Variants in SGCD observed in about 807,000 individuals in gnomAD.
SGCD encodes delta-sarcoglycan.
In SGCD, 18 loss-of-function variants were observed where a neutral mutation model predicts 36.6. That is an observed-to-expected ratio of 0.49 (90% CI 0.34 to 0.73). The LOEUF (loss-of-function observed/expected upper bound fraction) is 0.73, where lower values mean the gene tolerates loss of function less well. Among genes scored for constraint, SGCD ranks in the 30% least tolerant of loss-of-function variants. The pLI, the probability that SGCD is intolerant of heterozygous loss-of-function variation, is 0.01. For missense variants in SGCD, 387 were observed against 346.7 expected, an observed-to-expected ratio of 1.12 and a Z score of -0.92; for synonymous variants, 133 against 130.6, an observed-to-expected ratio of 1.02 and a Z score of -0.12.
chr5:156,554,354 C>CAA (rs58256540), intron 4 of SGCD, among the ~76,000 whole-genome samples: 45 of 88,908 alleles, frequency 5.1e-4, no homozygotes, highest in African/African-American at 1.6e-3. Context: ...GAGTCTGTCT[C>CAA]AAAAAAAAAA....
chr5:155,850,426 G>A, the SGCD span, among the ~76,000 whole-genome samples: 1 of 152,134 alleles, frequency 6.6e-6, no homozygotes, highest in Non-Finnish European at 1.5e-5. Flanking sequence ...GACAGAGAGA[G>A]AGAGAGAGAG....
In SGCD at chr5:156,572,162, TA is replaced by T. The variant is rs372420843; in HGVS notation, c.295-17068del. The stretch of plus-strand genomic sequence containing the variant: ...TCATTAATCTATTATTGGGCATTTG[TA>T]TTGTTTCCGCCCTTTGATTATTATG... On this transcript the variant is annotated intron_variant, in intron 4 of 8. Transcript: ENST00000337851. Among the ~76,000 whole-genome samples the T allele has an allele frequency of 1.8e-3, 275 of 152,356 alleles. 2 individuals are homozygous for T. Among genetic ancestry groups the T allele is most frequent in the African/African-American group, 6.1e-3 (253 of 41,582 alleles).
chr5:156,141,220 C>A (rs1762571015), intron 3 of SGCD, among the ~76,000 whole-genome samples: 1 of 152,208 alleles, frequency 6.6e-6, no homozygotes. Context: ...AGAGAATTGC[C>A]ACAGGGGCGG....
At chr5:156,583,414 C>G (rs1463122076) in intron 4 of SGCD, among the ~76,000 whole-genome samples, 1 of 152,150 alleles carries the variant, frequency 6.6e-6, no homozygotes, top group African/African-American at 2.4e-5. Context: ...CCATCAGTTA[C>G]CAACCCCTGC....
chr5:156,704,002 G>A (rs980481262), intron 7 of SGCD: 3 of 152,090 alleles, frequency 2.0e-5, no homozygotes, highest in African/African-American at 7.2e-5. Flanking sequence ...GGTTGCAAGT[G>A]AAGGAACACT....
chr5:156,731,307 T>C (rs1223605148), intron 7 of SGCD, among the ~76,000 whole-genome samples: 1 of 152,214 alleles, frequency 6.6e-6, no homozygotes, highest in African/African-American at 2.4e-5. Context: ...CATTAAATCT[T>C]TGCCCATGCC....
chr5:156,283,438 C>G (rs1196379979), intron 3 of SGCD, among the ~76,000 whole-genome samples: 1 of 152,126 alleles, frequency 6.6e-6, no homozygotes, highest in Non-Finnish European at 1.5e-5. Flanking sequence ...ACTTATTCTG[C>G]CATCCATTCT....
chr5:155,997,805 C>T (rs1758582922), intron 1 of SGCD, among the ~76,000 whole-genome samples: 1 of 152,208 alleles, frequency 6.6e-6, no homozygotes, highest in South Asian at 2.1e-4. Flanking sequence ...AATGTATCTA[C>T]CTCTCCAAGT....
chr5:156,078,520 A>ATATAT (rs1491532979), intron 1 of SGCD, among the ~76,000 whole-genome samples: 1 of 125,530 alleles, frequency 8.0e-6, no homozygotes, highest in African/African-American at 3.3e-5. Context: ...CAAAAAAAAA[A>ATATAT]ATATATATAT....
In SGCD at chr5:155,925,544, T is replaced by A. The variant is rs539001848; in HGVS notation, c.-282+55120T>A. On this transcript the variant is annotated intron_variant, in intron 1 of 9. Transcript: ENST00000517913. The stretch of plus-strand genomic sequence containing the variant: ...ATCAGACTCTGCCTCTGTTTTTACA[T>A]GGCTGCCTTCCTGCTGTGTTTCTGT... Among the ~76,000 whole-genome samples the A allele has an allele frequency of 1.8e-4, 28 of 152,328 alleles. No homozygotes were observed. The South Asian group carries it at 5.8e-3, about 32-fold the overall frequency.
chr5:156,297,604 C>G (rs1766928885), intron 3 of SGCD, among the ~76,000 whole-genome samples: 1 of 125,102 alleles, frequency 8.0e-6, no homozygotes, highest in African/African-American at 3.2e-5. Flanking sequence ...CACATGGACA[C>G]ATGAAGGGGA....
At chr5:156,008,271 C>G (rs1480867456) in intron 1 of SGCD, among the ~76,000 whole-genome samples, 1 of 152,196 alleles carries the variant, frequency 6.6e-6, no homozygotes, top group Non-Finnish European at 1.5e-5. Context: ...TTTCTAGCTT[C>G]TGGTGGCTTC....
chr5:155,937,299 G>A (rs985794305), intron 1 of SGCD, among the ~76,000 whole-genome samples: 3 of 152,216 alleles, frequency 2.0e-5, no homozygotes, highest in Non-Finnish European at 2.9e-5. Flanking sequence ...GGCAGCAGCT[G>A]CTCCAGGCAG....
At chr5:155,817,400 G>A in the SGCD span, among the ~76,000 whole-genome samples, 1 of 151,108 alleles carries the variant, frequency 6.6e-6, no homozygotes, top group Non-Finnish European at 1.5e-5. Context: ...TCTAGGAGCC[G>A]CTTTTCTCGT....
At chr5:156,194,993 G>T (rs1309287112) in intron 3 of SGCD, among the ~76,000 whole-genome samples, 3 of 152,122 alleles carry the variant, frequency 2.0e-5, no homozygotes, top group Non-Finnish European at 4.4e-5. Context: ...GATGAATATA[G>T]TCATCAAGTT....
At chr5:156,570,406 T>C (rs529025082) in intron 4 of SGCD, among the ~76,000 whole-genome samples, 3 of 152,334 alleles carry the variant, frequency 2.0e-5, no homozygotes, top group Non-Finnish European at 4.4e-5. Context: ...ATCTATCATT[T>C]TCTAATAGAT....
intron 1 of SGCD, among the ~76,000 whole-genome samples, chr5:156,051,937 ATGT>A (rs1759928523): frequency 3.4e-5 from 5 of 145,988 alleles, no homozygotes; most frequent in South Asian, 4.3e-4. Context: ...AGGCGTTATG[ATGT>A]TGTGTCAGGC....
intron 1 of SGCD, among the ~76,000 whole-genome samples, chr5:156,082,358 T>G (rs1561712212): frequency 6.6e-6 from 1 of 152,188 alleles, no homozygotes; most frequent in Non-Finnish European, 1.5e-5. Context: ...TGCCATATTT[T>G]GGAGTATCTG....
At chr5:156,013,860 T>C (rs534104129) in intron 1 of SGCD, among the ~76,000 whole-genome samples, 1 of 152,284 alleles carries the variant, frequency 6.6e-6, no homozygotes, top group South Asian at 2.1e-4. Context: ...TAAGAGACAC[T>C]CCTAATTCTT....
Sources: allele counts gnomAD v4.1 joint callset (sites outside exome capture counted in the v4.1 genomes callset), GRCh38; gene constraint gnomAD v4.1.1; transcripts MANE v1.5; gene names NCBI Gene and HGNC (gene_info 2026-07-23, HGNC 2026-07-21).